The following PDE1C variants were observed in gnomAD, a reference collection of about 807,000 sequenced individuals.
The protein encoded by PDE1C is dual specificity calcium/calmodulin-dependent 3',5'-cyclic nucleotide phosphodiesterase 1C.
PDE1C carries 62 observed loss-of-function variants against 93.1 expected under a neutral mutation model. That is an observed-to-expected ratio of 0.67 (90% CI 0.54 to 0.82). The LOEUF is 0.82. Among genes scored for constraint, PDE1C ranks in the 40% least tolerant of loss-of-function variants. PDE1C has a pLI of 0.00. For synonymous variants in PDE1C, 325 were observed against 310.1 expected, an observed-to-expected ratio of 1.05 and a Z score of -0.50; for missense variants, 742 against 884.6, an observed-to-expected ratio of 0.84 and a Z score of 2.04.
At chr7:31,835,985 C>A (rs749643014) in intron 11 of PDE1C, among the ~76,000 whole-genome samples, 1 of 152,182 alleles carries the variant, frequency 6.6e-6, no homozygotes, top group East Asian at 1.9e-4. Flanking sequence ...GTTTGCGGGA[C>A]GAAGTTGTGA....
chr7:32,148,237 T>C (rs187310618), intron 3 of PDE1C, among the ~76,000 whole-genome samples: 3 of 152,184 alleles, frequency 2.0e-5, no homozygotes, highest in Admixed American at 2.0e-4. Context: ...AAACCACATA[T>C]CTAATTTTCT....
At chr7:32,365,675 C>T (rs1335793267) in intron 1 of PDE1C, among the ~76,000 whole-genome samples, 1 of 152,156 alleles carries the variant, frequency 6.6e-6, no homozygotes, top group African/African-American at 2.4e-5. Flanking sequence ...GCCAGAGTAA[C>T]AGATCTGTAG....
chr7:32,226,732 G>A (rs746549722), intron 1 of PDE1C, among the ~76,000 whole-genome samples: 34 of 152,346 alleles, frequency 2.2e-4, no homozygotes, highest in Non-Finnish European at 2.9e-4. Flanking sequence ...GCAGTATGCA[G>A]GAGCCACTGT....
At chr7:31,951,525 A>C (rs144262645) in intron 2 of PDE1C, among the ~76,000 whole-genome samples, 130 of 152,200 alleles carry the variant, frequency 8.5e-4, no homozygotes, top group African/African-American at 2.9e-3. Context: ...GGCAAAAGAG[A>C]GATGGTGAAG....
At chr7:31,808,343 C>G (rs910576822) in intron 16 of PDE1C, 2 of 273,942 alleles carry the variant, frequency 7.3e-6, no homozygotes, top group Non-Finnish European at 1.5e-5. Flanking sequence ...TAGTAATGAA[C>G]CTGTGTGATA....
intron 1 of PDE1C, among the ~76,000 whole-genome samples, chr7:32,277,552 A>G (rs1024799890): frequency 6.6e-6 from 1 of 152,248 alleles, no homozygotes; most frequent in Non-Finnish European, 1.5e-5. Flanking sequence ...TCATAGTCTA[A>G]TACTAGAACC....
intron 7 of PDE1C, among the ~76,000 whole-genome samples, chr7:31,861,531 A>C (rs1458649956): frequency 1.3e-5 from 2 of 152,008 alleles, no homozygotes; most frequent in Non-Finnish European, 2.9e-5. Context: ...CTAAATCAGA[A>C]TTCTTGATCC....
chr7:31,972,179 A>G (rs903773893), intron 2 of PDE1C, among the ~76,000 whole-genome samples: 1 of 152,250 alleles, frequency 6.6e-6, no homozygotes, highest in East Asian at 1.9e-4. Flanking sequence ...GTAGTATACA[A>G]CCACGTATTA....
intron 1 of PDE1C, among the ~76,000 whole-genome samples, chr7:32,363,145 C>T (rs1585126274): frequency 6.6e-6 from 1 of 152,248 alleles, no homozygotes; most frequent in Admixed American, 6.5e-5. Context: ...AAGGGGGCAT[C>T]TTTATTAGTA....
At chr7:31,689,544 A>G in the PDE1C span, among the ~76,000 whole-genome samples, 312 of 152,182 alleles carry the variant, frequency 2.1e-3, no homozygotes, top group African/African-American at 7.1e-3. Context: ...TAGGAAATGG[A>G]AATATTCCAT....
intron 1 of PDE1C, among the ~76,000 whole-genome samples, chr7:32,290,860 GAAC>G (rs1812287793): frequency 6.6e-6 from 1 of 152,094 alleles, no homozygotes; most frequent in Admixed American, 6.6e-5. Context: ...TGCCAATTTT[GAAC>G]AACAGAAAGC....
intron 2 of PDE1C, among the ~76,000 whole-genome samples, chr7:31,910,318 G>A (rs1801070691): frequency 6.6e-6 from 1 of 152,066 alleles, no homozygotes; most frequent in Admixed American, 6.6e-5. Flanking sequence ...TCCCACATCT[G>A]TTCATTTTGT....
chr7:31,774,151 AT>A (rs1795680205), intron 17 of PDE1C, among the ~76,000 whole-genome samples: 1 of 150,978 alleles, frequency 6.6e-6, no homozygotes, highest in South Asian at 2.1e-4. Context: ...AGAAAAAAAA[AT>A]GCTGCTAATT....
chr7:32,024,572 C>T (rs2128620938), intron 2 of PDE1C, among the ~76,000 whole-genome samples: 1 of 152,124 alleles, frequency 6.6e-6, no homozygotes, highest in Middle Eastern at 3.4e-3. Context: ...CATAACCTCA[C>T]ATCTTGGTGA....
At chr7:31,889,236 A>T (rs1166010615) in intron 2 of PDE1C, among the ~76,000 whole-genome samples, 1 of 152,258 alleles carries the variant, frequency 6.6e-6, no homozygotes, top group East Asian at 1.9e-4. Context: ...ATCAAGACTT[A>T]TTATAAAGCA....
At chr7:32,233,043 G>C (rs539409922) in intron 1 of PDE1C, among the ~76,000 whole-genome samples, 1 of 152,246 alleles carries the variant, frequency 6.6e-6, no homozygotes, top group Non-Finnish European at 1.5e-5. Context: ...TAACATGCAT[G>C]GGAAAAGGCA....
At chr7:31,910,610 A>G (rs1206972633) in intron 2 of PDE1C, among the ~76,000 whole-genome samples, 1 of 152,230 alleles carries the variant, frequency 6.6e-6, no homozygotes, top group Admixed American at 6.5e-5. Flanking sequence ...TCAAGAATAC[A>G]TCTGTTCTCA....
intron 1 of PDE1C, among the ~76,000 whole-genome samples, chr7:32,215,710 C>T (rs4723134): frequency 0.23 from 35,474 of 152,140 alleles, 5,255 homozygotes; most frequent in Admixed American, 0.39. Flanking sequence ...GGTGGGCCAA[C>T]CCGTTGTGGT....
At chr7:31,910,201 C>T (rs1415610879) in intron 2 of PDE1C, among the ~76,000 whole-genome samples, 1 of 152,140 alleles carries the variant, frequency 6.6e-6, no homozygotes, top group Non-Finnish European at 1.5e-5. Flanking sequence ...GAAGATGGTC[C>T]TTTTCCCCAA....
Sources: gnomAD v4.1 joint callset for allele counts (sites outside exome capture counted in the v4.1 genomes callset) on GRCh38, gnomAD v4.1.1 for gene constraint, MANE v1.5 for transcripts, NCBI Gene and HGNC (gene_info 2026-07-23, HGNC 2026-07-21) for gene names.